The following FANCM variants were observed in gnomAD, a reference collection of about 807,000 sequenced individuals.
The protein encoded by FANCM is Fanconi anemia group M protein.
Under a neutral mutation model 199.5 loss-of-function variants are expected in FANCM, and 140 were observed. The observed-to-expected ratio is 0.70, with a 90% CI of 0.61 to 0.81. The LOEUF (loss-of-function observed/expected upper bound fraction) is 0.81, where lower values mean the gene tolerates loss of function less well. Among genes scored for constraint, FANCM ranks in the 30% least tolerant of loss-of-function variants. FANCM has a pLI of 0.00. For missense variants in FANCM, 2,410 were observed against 2,421.4 expected, an observed-to-expected ratio of 1.00 and a Z score of 0.10; for synonymous variants, 840 against 836.8, an observed-to-expected ratio of 1.00 and a Z score of -0.07.
At chr14:45,169,150 G>T (rs1888175445) in intron 11 of FANCM, among the ~76,000 whole-genome samples, 1 of 151,826 alleles carries the variant, frequency 6.6e-6, no homozygotes, top group African/African-American at 2.4e-5. Flanking sequence ...TTGAACTCCT[G>T]ACTTCAGGTG....
Position 45,166,931 on chromosome 14 carries a change from T to G in FANCM, c.1789-19T>G. 1 of 1,267,328 alleles carries G rather than the reference T, an allele frequency of 7.9e-7. No individual in the cohort carries two copies. Among genetic ancestry groups the G allele is most frequent in the South Asian group, 1.2e-5 (1 of 83,160 alleles). 78.5% of individuals were successfully genotyped at this position (1,267,328 alleles called of 1,614,324 possible). ...TTATAAAAGTAATATAATCTGACAT[T>G]TTCTATTTGTTTTTACAGATTTATA... is the stretch of plus-strand genomic sequence containing the variant. On this transcript the variant is annotated intron_variant, in intron 10 of 22. Coordinates refer to ENST00000267430, the MANE Select transcript of FANCM (RefSeq NM_020937.4).
intron 20 of FANCM, 44 bp downstream of exon 20, chr14:45,189,406 A>C (rs781699134): frequency 1.7e-5 from 24 of 1,443,070 alleles, no homozygotes; most frequent in Middle Eastern, 1.7e-4. Flanking sequence ...TGGTTACCAG[A>C]AGTTTTTCTT....
intron 12 of FANCM, among the ~76,000 whole-genome samples, chr14:45,171,464 C>A (rs948502562): frequency 6.6e-6 from 1 of 151,776 alleles, no homozygotes; most frequent in Non-Finnish European, 1.5e-5. Context: ...GTCTTTTATC[C>A]CTTGCCCCAC....
At chr14:45,166,154 C>T (rs542806694) in intron 10 of FANCM, among the ~76,000 whole-genome samples, 4 of 150,564 alleles carry the variant, frequency 2.7e-5, no homozygotes, top group East Asian at 2.0e-4. Flanking sequence ...ACAAAAAAAA[C>T]GGAGTCTTGC....
chr14:45,140,572 C>T (rs1438718370), intron 2 of FANCM, 60 bp from the exon 3 acceptor site: 10 of 898,714 alleles, frequency 1.1e-5, no homozygotes, highest in Admixed American at 1.7e-5. Flanking sequence ...GGTTGTTTAA[C>T]AGAACCACTG....
intron 3 of FANCM, among the ~76,000 whole-genome samples, chr14:45,140,958 G>C (rs560418814): frequency 6.6e-6 from 1 of 152,270 alleles, no homozygotes; most frequent in East Asian, 1.9e-4. Context: ...AAGATTGCTT[G>C]AGCTTAGGAG....
In FANCM at chr14:45,198,792, G is replaced by C; in HGVS notation, c.5865G>C (p.Lys1955Asn). The C allele has an allele frequency of 6.2e-7, 1 of 1,614,026 alleles. No individual in the cohort carries two copies. The highest frequency in any genetic ancestry group is 8.5e-7 in the Non-Finnish European group (1 of 1,179,948). ...AACTGTCTTTAGTGGAACAAAGAAA[G>C]AATGTTGGTATTCATGTTCCAACAG... Reference protein sequence around the residue: ...LKELSLVEQRKNVGIHVPTVV... With the variant: ...LKELSLVEQRNNVGIHVPTVV... The change falls in exon 22 of 23, where the codon AAG (lysine) becomes AAC (asparagine). Residue 1955 changes from lysine to asparagine, a missense_variant. By Grantham distance (94) the Lys-to-Asn change is moderately conservative. Transcript: ENST00000267430.
intron 14 of FANCM, among the ~76,000 whole-genome samples, chr14:45,179,867 TG>T (rs1888957613): frequency 6.6e-6 from 1 of 152,088 alleles, no homozygotes; most frequent in African/African-American, 2.4e-5. Context: ...GCCCATTTTT[TG>T]CTTTTCGTGC....
intron 5 of FANCM, among the ~76,000 whole-genome samples, chr14:45,152,143 C>G (rs942093225): frequency 6.6e-6 from 1 of 151,690 alleles, no homozygotes; most frequent in Non-Finnish European, 1.5e-5. Context: ...AGTCTTGTGC[C>G]TCAGCCTCCC....
rs1219702984 is a variant in FANCM, at chr14:45,167,101, A to G, written c.1940A>G (p.Tyr647Cys). The G allele has an allele frequency of 1.2e-6, 2 of 1,613,890 alleles. No individual in the cohort carries two copies. The highest frequency in any genetic ancestry group is 1.1e-5 in the South Asian group (1 of 91,076). Reference protein sequence around the residue: ...LHKMFITHGVYEPEKPSRNLQ... With the variant: ...LHKMFITHGVCEPEKPSRNLQ... Reference sequence around the variant, plus strand: ...AAAATGTTCATCACACATGGTGTCTATGAACCAGAGAAGCCTTCTCGGAAC... The same window carrying G: ...AAAATGTTCATCACACATGGTGTCTGTGAACCAGAGAAGCCTTCTCGGAAC... The change falls in exon 11 of 23, where the codon TAT becomes TGT. Residue 647 changes from tyrosine (Y) to cysteine (C), a missense_variant. Tyr to Cys is a radical substitution (Grantham distance 194, BLOSUM62 -2). Coordinates refer to ENST00000267430, the MANE Select transcript of FANCM (RefSeq NM_020937.4).
At chr14:45,140,548 G>GC (rs1885838140) in intron 2 of FANCM, 84 bp from the exon 3 acceptor site, 1 of 768,272 alleles carries the variant, frequency 1.3e-6, no homozygotes, top group Non-Finnish European at 2.4e-6. Context: ...AATGATAAGG[G>GC]ACCATGTATA....
intron 3 of FANCM, among the ~76,000 whole-genome samples, chr14:45,141,722 TG>T (rs1885977577): frequency 6.6e-6 from 1 of 151,564 alleles, no homozygotes; most frequent in African/African-American, 2.4e-5. Flanking sequence ...CCCGAGTAGC[TG>T]GGATTACAGG....
At chr14:45,143,633 C>T (rs1886136975) in intron 3 of FANCM, among the ~76,000 whole-genome samples, 1 of 151,388 alleles carries the variant, frequency 6.6e-6, no homozygotes, top group Non-Finnish European at 1.5e-5. Context: ...ATTTTGAGAC[C>T]TGTCCTATAA....
intron 16 of FANCM, among the ~76,000 whole-genome samples, chr14:45,181,957 A>AC (rs1889101300): frequency 1.3e-5 from 2 of 152,226 alleles, no homozygotes; most frequent in Non-Finnish European, 2.9e-5. Flanking sequence ...TTTTGTCAGT[A>AC]CACTTGAGCA....
At chr14:45,178,547 A>C (rs1395543950) in intron 14 of FANCM, among the ~76,000 whole-genome samples, 2 of 152,212 alleles carry the variant, frequency 1.3e-5, no homozygotes, top group Non-Finnish European at 2.9e-5. Flanking sequence ...TATATGAAAA[A>C]CATAGTTCAT....
chr14:45,200,107 TTTTA>T lies in FANCM; in HGVS notation c.*104_*107del, dbSNP rs886050504. On this transcript the variant is annotated 3_prime_UTR_variant, in exon 23 of 23. Transcript: ENST00000267430. ...ATGTTTATTTGTAAATAAGAGAATATTTTATTTAAATATTTTATATTGTATACAT... is the reference window on the plus strand; with the variant it reads ...ATGTTTATTTGTAAATAAGAGAATATTTTAAATATTTTATATTGTATACAT... 4.9e-4 allele frequency: 289 copies of T among 588,570 alleles called. 1 individual carries two copies. Among genetic ancestry groups the T allele is most frequent in the Non-Finnish European group, 7.2e-4 (273 of 379,834 alleles). 36.5% of individuals were successfully genotyped at this position (588,570 alleles called of 1,614,324 possible). A position where few individuals can be genotyped will look rare whatever the true frequency, so the allele number is the denominator to read the frequency against.
At chr14:45,196,626 G>A in intron 21 of FANCM, 79 bp downstream of exon 21, 2 of 1,399,172 alleles carry the variant, frequency 1.4e-6, no homozygotes, top group Non-Finnish European at 2.0e-6. Context: ...TCTATTATTA[G>A]GATGTGGGAA....
Position 45,176,517 on chromosome 14 carries a change from C to T in FANCM, c.3763C>T (p.Pro1255Ser), listed in dbSNP as rs770651053. Residue 1255 changes from proline (P) to serine (S), a missense_variant, in exon 14 of 23, where the codon CCT becomes TCT. Pro to Ser is a moderately conservative substitution (Grantham distance 74). Transcript: ENST00000267430. ...GGAACATACATCAGATAGCAATAGA[C>T]CTCTAGATGATCTATATGGAAGGTA... ...ILEHTSDSNR[P>S]LDDLYGRYLE... 30 of 1,601,970 alleles carry T rather than the reference C, an allele frequency of 1.9e-5. No individual in the cohort carries two copies. Among genetic ancestry groups the T allele is most frequent in the Non-Finnish European group, 2.6e-5 (30 of 1,173,794 alleles).
Position 45,166,707 on chromosome 14 carries a change from T to C in FANCM, c.1789-243T>C, listed in dbSNP as rs541543166. Among the ~76,000 whole-genome samples the C allele has an allele frequency of 4.0e-5, 6 of 151,402 alleles. No homozygotes were observed. In the East Asian group the frequency reaches 1.2e-3, roughly 30 times the overall value. ...GGGAGGATCGCTTGAGCCCAGGAGG[T>C]TGAGGCTGCAGTGAGCCCTGATCAC... On this transcript the variant is annotated intron_variant, in intron 10 of 22. Transcript: ENST00000267430.
Sources: allele counts gnomAD v4.1 joint callset (sites outside exome capture counted in the v4.1 genomes callset), GRCh38; gene constraint gnomAD v4.1.1; transcripts MANE v1.5; gene names NCBI Gene and HGNC (gene_info 2026-07-23, HGNC 2026-07-21).